The following HCN1 variants were observed in gnomAD, a reference collection of about 807,000 sequenced individuals.
HCN1 encodes potassium/sodium hyperpolarization-activated cyclic nucleotide-gated channel 1.
In HCN1, 13 loss-of-function variants were observed where a neutral mutation model predicts 78.9. The ratio of observed to expected loss-of-function variants is 0.16; its 90% CI spans 0.11 to 0.26. The LOEUF is 0.26. Ranked by LOEUF, HCN1 falls within the 10% of genes least tolerant of loss-of-function variation. HCN1 has a pLI of 1.00. For missense variants in HCN1, 810 were observed against 1,154.3 expected (o/e 0.70, Z 4.32); for synonymous variants, 552 against 455.5 (o/e 1.21, Z -2.70).
intron 5 of HCN1, among the ~76,000 whole-genome samples, chr5:45,313,093 T>G (rs1157279700): frequency 6.6e-6 from 1 of 152,120 alleles, no homozygotes; most frequent in African/African-American, 2.4e-5. Context: ...GACCCCCAAG[T>G]AGCCCAATTG....
At chr5:45,281,034 A>T (rs2111868193) in intron 6 of HCN1, among the ~76,000 whole-genome samples, 1 of 152,138 alleles carries the variant, frequency 6.6e-6, no homozygotes, top group African/African-American at 2.4e-5. Context: ...AAAAATACAG[A>T]AAAATAAAAT....
Position 45,450,555 on chromosome 5 carries a change from A to T in HCN1, c.1011+11291T>A, listed in dbSNP as rs1008363061. Among the ~76,000 whole-genome samples the T allele has an allele frequency of 2.0e-5, 3 of 152,196 alleles. No individual in the cohort carries two copies. The South Asian group carries it at 6.2e-4, about 31-fold the overall frequency. On this transcript the variant is annotated intron_variant, in intron 3 of 7. Transcript: ENST00000303230. ...ATGAGTTATTTATTAATCAATACAGACAATTTGCTTCACATGGTTGTGAAC... is the reference window on the plus strand; with the variant it reads ...ATGAGTTATTTATTAATCAATACAGTCAATTTGCTTCACATGGTTGTGAAC...
At chr5:45,673,625 T>A (rs1300652924) in intron 1 of HCN1, among the ~76,000 whole-genome samples, 1 of 151,626 alleles carries the variant, frequency 6.6e-6, no homozygotes, top group African/African-American at 2.4e-5. Context: ...TCCCTACTCA[T>A]TAGTGGCTTT....
At chr5:45,425,117 A>G (rs1403183535) in intron 3 of HCN1, among the ~76,000 whole-genome samples, 1 of 152,200 alleles carries the variant, frequency 6.6e-6, no homozygotes, top group Non-Finnish European at 1.5e-5. Flanking sequence ...GGTGGTTTGT[A>G]CTTTTTCTTG....
At chr5:45,320,363 T>C (rs1746099181) in intron 5 of HCN1, among the ~76,000 whole-genome samples, 1 of 151,904 alleles carries the variant, frequency 6.6e-6, no homozygotes, top group Non-Finnish European at 1.5e-5. Context: ...AGTTGGTATG[T>C]TTAGGGAGTT....
At chr5:45,416,978 C>T (rs575719019) in intron 3 of HCN1, among the ~76,000 whole-genome samples, 13 of 151,940 alleles carry the variant, frequency 8.6e-5, no homozygotes, top group Non-Finnish European at 1.9e-4. Context: ...TAGAATCATT[C>T]ATGTATGGAC....
chr5:45,373,239 T>A (rs1243018857), intron 4 of HCN1, among the ~76,000 whole-genome samples: 1 of 121,032 alleles, frequency 8.3e-6, no homozygotes, highest in African/African-American at 3.3e-5. Context: ...TTTTACATTA[T>A]ATATAATATA....
intron 1 of HCN1, among the ~76,000 whole-genome samples, chr5:45,654,694 T>C (rs904428601): frequency 6.6e-6 from 1 of 152,120 alleles, no homozygotes; most frequent in South Asian, 2.1e-4. Flanking sequence ...ACATTTTATT[T>C]TGAAGCTCAA....
intron 1 of HCN1, among the ~76,000 whole-genome samples, chr5:45,646,352 A>G (rs1272113919): frequency 6.8e-6 from 1 of 148,010 alleles, no homozygotes. Context: ...TTCCATAAAA[A>G]TTCTTTCTTT....
In HCN1 at chr5:45,255,601, T is replaced by C. The variant is rs193040150; in HGVS notation, c.*6320A>G. 1 of 152,336 alleles carries C rather than the reference T, an allele frequency of 6.6e-6. No homozygotes were observed. Among genetic ancestry groups the C allele is most frequent in the Non-Finnish European group, 1.5e-5 (1 of 68,020 alleles). The allele number at this position is 152,336 out of a possible 1,614,324, so 9.4% of individuals were successfully genotyped here. The stretch of plus-strand genomic sequence containing the variant: ...ACAGAATTGTAATATGTTAGGTTGG[T>C]AATAGATGTTAGAAGAGTTAGGCAA... On this transcript the variant is annotated 3_prime_UTR_variant, in exon 8 of 8. Coordinates refer to ENST00000303230, the MANE Select transcript of HCN1 (RefSeq NM_021072.4).
intron 1 of HCN1, among the ~76,000 whole-genome samples, chr5:45,661,041 C>T (rs1332354309): frequency 8.0e-6 from 1 of 124,356 alleles, no homozygotes; most frequent in Non-Finnish European, 1.7e-5. Flanking sequence ...CAAAATTGAC[C>T]ACATAGTTGG....
rs111501070 is a variant in HCN1 at position 45,693,991 on chromosome 5, T to C, written c.425+1678A>G. Among the ~76,000 whole-genome samples the C allele has an allele frequency of 9.3e-3, 1,422 of 152,272 alleles. 17 individuals are homozygous for C. The highest frequency in any genetic ancestry group is 0.033 in the African/African-American group (1,361 of 41,560). The stretch of plus-strand genomic sequence containing the variant: ...TTAAAAATTTTAAAATGAGGTGAAA[T>C]ATATTTCCATTGGGGACTGAGGAAA... On this transcript the variant is annotated intron_variant, in intron 1 of 7. Transcript: ENST00000303230.
chr5:45,645,723 G>A, intron 1 of HCN1, 115 bp from the exon 2 acceptor site: 1 of 595,230 alleles, frequency 1.7e-6, no homozygotes, highest in Non-Finnish European at 2.8e-6. Context: ...ACAAAGAAAT[G>A]ATTTTATTTT....
chr5:45,500,371 C>A (rs1742163938), intron 2 of HCN1, among the ~76,000 whole-genome samples: 1 of 151,982 alleles, frequency 6.6e-6, no homozygotes. Flanking sequence ...CAAGATTTTT[C>A]AAACTAAGTT....
At chr5:45,682,799 T>C (rs1739728570) in intron 1 of HCN1, among the ~76,000 whole-genome samples, 2 of 152,144 alleles carry the variant, frequency 1.3e-5, no homozygotes, top group African/African-American at 2.4e-5. Flanking sequence ...AAATAGATGA[T>C]AACCTGGAGT....
intron 5 of HCN1, among the ~76,000 whole-genome samples, chr5:45,316,517 C>T (rs1168026566): frequency 3.3e-5 from 5 of 152,038 alleles, no homozygotes; most frequent in African/African-American, 1.2e-4. Context: ...ACAGGGATGC[C>T]CTCTCTCACC....
intron 2 of HCN1, among the ~76,000 whole-genome samples, chr5:45,584,808 T>C (rs1264782490): frequency 6.6e-6 from 1 of 152,206 alleles, no homozygotes; most frequent in Non-Finnish European, 1.5e-5. Context: ...TGGCTGGATA[T>C]GAAATTCTGG....
intron 2 of HCN1, among the ~76,000 whole-genome samples, chr5:45,578,190 T>C (rs1344127033): frequency 6.6e-6 from 1 of 151,960 alleles, no homozygotes; most frequent in Non-Finnish European, 1.5e-5. Context: ...GAAGCCAAAA[T>C]GGGATAATTG....
intron 5 of HCN1, among the ~76,000 whole-genome samples, chr5:45,326,016 G>T (rs1746227833): frequency 6.6e-6 from 1 of 151,498 alleles, no homozygotes. Flanking sequence ...ATTGACATAA[G>T]ATGCCTTAAT....
Sources: gnomAD v4.1 joint callset for allele counts (sites outside exome capture counted in the v4.1 genomes callset) on GRCh38, gnomAD v4.1.1 for gene constraint, MANE v1.5 for transcripts, NCBI Gene and HGNC (gene_info 2026-07-23, HGNC 2026-07-21) for gene names.